Variants in PCGF5 observed in about 807,000 individuals in gnomAD.
The protein encoded by PCGF5 is polycomb group ring finger 5.
PCGF5 carries 9 observed loss-of-function variants against 44.3 expected under a neutral mutation model. That is an observed-to-expected ratio of 0.20 (90% CI 0.12 to 0.35). PCGF5 has a LOEUF of 0.35. Among genes scored for constraint, PCGF5 ranks in the 10% least tolerant of loss-of-function variants. PCGF5 has a pLI of 1.00. For missense variants in PCGF5, 146 were observed against 305.3 expected (o/e 0.48, Z 3.89); for synonymous variants, 95 against 102.5 (o/e 0.93, Z 0.44).
rs111734236 is a variant in PCGF5, at chr10:91,188,233, G to A, written c.-184+25152G>A. Among the ~76,000 whole-genome samples, 1,055 of 152,314 alleles carry A rather than the reference G, an allele frequency of 6.9e-3. 11 individuals carry two copies. Among genetic ancestry groups the A allele is most frequent in the African/African-American group, 0.024 (1,007 of 41,568 alleles). On this transcript the variant is annotated intron_variant, in intron 1 of 9. Coordinates refer to the PCGF5 transcript ENST00000614189. Reference sequence around the variant, plus strand: ...GGACAGTGGGTGCAGCGCACCATGCGCGAGCTGAAGCAGGGCTAGGCATTG... The same window carrying A: ...GGACAGTGGGTGCAGCGCACCATGCACGAGCTGAAGCAGGGCTAGGCATTG...
At chr10:91,241,599 C>G (rs144309280) in intron 3 of PCGF5, among the ~76,000 whole-genome samples, 63 of 151,798 alleles carry the variant, frequency 4.2e-4, no homozygotes, top group African/African-American at 1.4e-3. Context: ...TAAGAAACTA[C>G]TCGTCTAGAA....
At chr10:91,197,106 C>T (rs1024068927) in intron 1 of PCGF5, among the ~76,000 whole-genome samples, 1 of 152,224 alleles carries the variant, frequency 6.6e-6, no homozygotes, top group African/African-American at 2.4e-5. Context: ...GAGTGACAAA[C>T]TACTCCAAAA....
chr10:91,176,431 G>A (rs1440960466), intron 1 of PCGF5, among the ~76,000 whole-genome samples: 1 of 152,142 alleles, frequency 6.6e-6, no homozygotes, highest in African/African-American at 2.4e-5. Context: ...GGCATTCTCT[G>A]TATTTCCTGA....
At chr10:91,170,342 A>T (rs535218509) in intron 1 of PCGF5, among the ~76,000 whole-genome samples, 5 of 152,244 alleles carry the variant, frequency 3.3e-5, no homozygotes, top group Non-Finnish European at 5.9e-5. Context: ...TGAGCCACAG[A>T]CTGGGAGAAA....
intron 1 of PCGF5, among the ~76,000 whole-genome samples, chr10:91,176,726 G>A (rs962673185): frequency 1.3e-5 from 2 of 152,132 alleles, no homozygotes; most frequent in Admixed American, 6.5e-5. Flanking sequence ...CATTCGTCAC[G>A]TAGTTCTTGT....
intron 1 of PCGF5, among the ~76,000 whole-genome samples, chr10:91,195,481 T>TAG (rs1304500266): frequency 1.1e-3 from 143 of 134,648 alleles, no homozygotes; most frequent in South Asian, 2.3e-3. Flanking sequence ...CATATATATA[T>TAG]ATATAGAGAG....
chr10:91,222,994 T>C lies in PCGF5; in HGVS notation c.112+11T>C, dbSNP rs758121069. ...AATGCCTCCATACATGTAAGTATTC[T>C]TTTAGGTTATTATACCTATCAAAGT... is the stretch of plus-strand genomic sequence containing the variant. On this transcript the variant is annotated intron_variant, in intron 2 of 9. Coordinates refer to ENST00000336126, the MANE Select transcript of PCGF5 (RefSeq NM_032373.5). The C allele has an allele frequency of 3.3e-6, 5 of 1,513,988 alleles. No homozygotes were observed. Among genetic ancestry groups the C allele is most frequent in the African/African-American group, 1.4e-5 (1 of 72,784 alleles). The allele number at this position is 1,513,988 out of a possible 1,614,324, so 93.8% of individuals were successfully genotyped here. A position where few individuals can be genotyped will look rare whatever the true frequency, so the allele number is the denominator to read the frequency against.
rs1844715690 is a variant in PCGF5 at position 91,222,748 on chromosome 10, A to G, written c.-124A>G. ...ATCAACGATCTCATGATAAATCTGGATGCTAGTTCTCATGCCTCAGGACAT... is the reference window on the plus strand; with the variant it reads ...ATCAACGATCTCATGATAAATCTGGGTGCTAGTTCTCATGCCTCAGGACAT... On this transcript the variant is annotated 5_prime_UTR_variant, in exon 2 of 10. It removes an upstream start codon present in the reference 5' UTR. Transcript: ENST00000336126. 1.8e-5 allele frequency: 10 copies of G among 548,426 alleles called. No individual in the cohort carries two copies. The highest frequency in any genetic ancestry group is 3.0e-5 in the Non-Finnish European group (9 of 304,192). The allele number at this position is 548,426 out of a possible 1,614,324, so 34.0% of individuals were successfully genotyped here.
intron 8 of PCGF5, among the ~76,000 whole-genome samples, chr10:91,267,942 C>G (rs1161781512): frequency 6.6e-6 from 1 of 152,102 alleles, no homozygotes; most frequent in Admixed American, 6.6e-5. Context: ...ACATTTTAAG[C>G]TACCCAAGAT....
At chr10:91,169,905 T>A (rs190030888) in intron 1 of PCGF5, among the ~76,000 whole-genome samples, 1 of 152,252 alleles carries the variant, frequency 6.6e-6, no homozygotes, top group East Asian at 1.9e-4. Flanking sequence ...GACAGTGGTA[T>A]TGGCAAAAAA....
chr10:91,174,918 T>C (rs1229450866), intron 1 of PCGF5, among the ~76,000 whole-genome samples: 2 of 152,202 alleles, frequency 1.3e-5, no homozygotes, highest in Non-Finnish European at 2.9e-5. Context: ...AGAAGAGGCA[T>C]CAGCAAATTT....
chr10:91,263,147 G>T lies in PCGF5; in HGVS notation c.574-1284G>T, dbSNP rs567515850. Among the ~76,000 whole-genome samples, 11 of 152,252 alleles carry T rather than the reference G, an allele frequency of 7.2e-5. No individual in the cohort carries two copies. The East Asian group carries it at 1.5e-3, about 21-fold the overall frequency. On this transcript the variant is annotated intron_variant, in intron 7 of 9. Coordinates refer to ENST00000336126, the MANE Select transcript of PCGF5 (RefSeq NM_032373.5). Reference sequence around the variant, plus strand: ...TATTTTGCTGCCTAGTATGCAGGGGGATTATTTAATGAAATACCTGACAGC... The same window carrying T: ...TATTTTGCTGCCTAGTATGCAGGGGTATTATTTAATGAAATACCTGACAGC...
rs556858942 is a variant in PCGF5, at chr10:91,188,161, T to C, written c.-184+25080T>C. The stretch of plus-strand genomic sequence containing the variant: ...GACGGGTGATTTCTGCATTTCCATC[T>C]GAGGTACTGGGTTCATCTCACTAGG... On this transcript the variant is annotated intron_variant, in intron 1 of 9. Transcript: ENST00000614189. Among the ~76,000 whole-genome samples the C allele has an allele frequency of 2.0e-5, 3 of 152,334 alleles. No individual in the cohort carries two copies. The East Asian group carries it at 5.8e-4, about 29-fold the overall frequency.
chr10:91,250,063 G>T (rs1589395985), intron 5 of PCGF5, among the ~76,000 whole-genome samples: 1 of 152,144 alleles, frequency 6.6e-6, no homozygotes, highest in East Asian at 1.9e-4. Flanking sequence ...CCTACTTTGT[G>T]AATTTTATCT....
At chr10:91,231,098 C>A (rs1171739509) in intron 2 of PCGF5, among the ~76,000 whole-genome samples, 6 of 152,170 alleles carry the variant, frequency 3.9e-5, no homozygotes, top group African/African-American at 1.2e-4. Flanking sequence ...TCAGTCGTCT[C>A]CCTTGCTTTA....
chr10:91,222,587 AT>A, intron 1 of PCGF5, 101 bp from the exon 2 acceptor site: 2 of 470,368 alleles, frequency 4.3e-6, no homozygotes, highest in African/African-American at 2.0e-5. Flanking sequence ...TATTCACCCA[AT>A]TGGGAACATG....
chr10:91,249,824 A>G (rs1357386222), intron 5 of PCGF5, among the ~76,000 whole-genome samples: 1 of 152,050 alleles, frequency 6.6e-6, no homozygotes, highest in East Asian at 1.9e-4. Context: ...CTGGCCAAAA[A>G]AATAACTAGG....
chr10:91,178,016 C>A (rs1177564992), intron 1 of PCGF5, among the ~76,000 whole-genome samples: 1 of 152,212 alleles, frequency 6.6e-6, no homozygotes, highest in African/African-American at 2.4e-5. Context: ...ACACTGGGAG[C>A]TGTAGACTGG....
chr10:91,236,451 G>C (rs1300952335), intron 2 of PCGF5, among the ~76,000 whole-genome samples: 2 of 152,172 alleles, frequency 1.3e-5, no homozygotes, highest in East Asian at 3.8e-4. Context: ...TCTGACCCAG[G>C]TGCTTCTTAT....
Sources: allele counts gnomAD v4.1 joint callset (sites outside exome capture counted in the v4.1 genomes callset), GRCh38; gene constraint gnomAD v4.1.1; transcripts MANE v1.5; gene names NCBI Gene and HGNC (gene_info 2026-07-23, HGNC 2026-07-21).